The following MECOM variants were observed in gnomAD, a reference collection of about 807,000 sequenced individuals.
MECOM encodes histone-lysine N-methyltransferase MECOM.
A neutral mutation model predicts 116.3 loss-of-function variants in MECOM; 13 were observed. That is an observed-to-expected ratio of 0.11 (90% confidence interval 0.07 to 0.18). MECOM has a LOEUF of 0.18. Ranked by LOEUF, MECOM falls within the 10% of genes least tolerant of loss-of-function variation. The pLI, the probability that MECOM is intolerant of heterozygous loss-of-function variation, is 1.00. For missense variants in MECOM, 1,299 were observed against 1,509.0 expected (o/e 0.86, Z 2.31); for synonymous variants, 528 against 535.2 (o/e 0.99, Z 0.19).
intron 2 of MECOM, among the ~76,000 whole-genome samples, chr3:169,237,574 C>G (rs1047591090): frequency 8.4e-6 from 1 of 119,222 alleles, no homozygotes; most frequent in Non-Finnish European, 1.6e-5. Flanking sequence ...GAGGGCGACA[C>G]ATATTTCTGC....
rs1697399251 is a variant in MECOM at position 169,211,853 on chromosome 3, T to C, written c.376-68021A>G. ...CCTACTTGACATCTAAATCTGGATG[T>C]TTAATAGCTATCTCAAATTTAGTTT... On this transcript the variant is annotated intron_variant, in intron 2 of 16. Transcript: ENST00000651503. Among the ~76,000 whole-genome samples, 3 of 152,126 alleles carry C rather than the reference T, an allele frequency of 2.0e-5. No homozygotes were observed. The South Asian group carries it at 6.2e-4, about 32-fold the overall frequency.
intron 2 of MECOM, among the ~76,000 whole-genome samples, chr3:169,219,046 C>T (rs779110112): frequency 6.6e-6 from 1 of 152,004 alleles, no homozygotes; most frequent in African/African-American, 2.4e-5. Context: ...GGGCTTTTTG[C>T]AACAACTATA....
intron 2 of MECOM, among the ~76,000 whole-genome samples, chr3:169,242,021 C>T (rs1295533052): frequency 6.6e-6 from 1 of 152,072 alleles, no homozygotes; most frequent in African/African-American, 2.4e-5. Context: ...CAGGAAATTC[C>T]ATCTATCTGA....
chr3:169,546,436 T>C (rs946938144), intron 1 of MECOM, among the ~76,000 whole-genome samples: 32 of 152,170 alleles, frequency 2.1e-4, no homozygotes, highest in African/African-American at 7.2e-4. Flanking sequence ...AAGAGAAAAG[T>C]TAAAACTCAC....
intron 1 of MECOM, among the ~76,000 whole-genome samples, chr3:169,437,189 C>T (rs1742800225): frequency 6.6e-6 from 1 of 152,298 alleles, no homozygotes; most frequent in South Asian, 2.1e-4. Context: ...CTAATATTCT[C>T]CACTGTCATA....
intron 1 of MECOM, among the ~76,000 whole-genome samples, chr3:169,630,048 A>C (rs1005722920): frequency 2.0e-5 from 3 of 152,142 alleles, no homozygotes; most frequent in African/African-American, 4.8e-5. Flanking sequence ...TCCCAGCATG[A>C]TGGGCAGATG....
chr3:169,104,097 T>C (rs141426449), intron 10 of MECOM, among the ~76,000 whole-genome samples: 343 of 152,278 alleles, frequency 2.3e-3, no homozygotes, highest in African/African-American at 7.8e-3. Flanking sequence ...CTCAGGGGTT[T>C]GATTCATAAT....
intron 2 of MECOM, among the ~76,000 whole-genome samples, chr3:169,272,844 A>G (rs1321834814): frequency 6.6e-6 from 1 of 152,136 alleles, no homozygotes; most frequent in East Asian, 1.9e-4. Context: ...TAGAAAGAAA[A>G]GGGTCATAGG....
intron 2 of MECOM, among the ~76,000 whole-genome samples, chr3:169,374,730 T>C (rs1002240326): frequency 1.3e-4 from 20 of 151,930 alleles, no homozygotes; most frequent in Admixed American, 6.6e-5. Context: ...TAGTAATATA[T>C]TGTAATTAGA....
At chr3:169,144,687 T>C (rs947447739) in intron 2 of MECOM, among the ~76,000 whole-genome samples, 1 of 152,102 alleles carries the variant, frequency 6.6e-6, no homozygotes, top group African/African-American at 2.4e-5. Context: ...ACCAAGCTAT[T>C]CTGATTCACT....
At chr3:169,392,065 C>T (rs1226891264) in intron 1 of MECOM, among the ~76,000 whole-genome samples, 2 of 152,132 alleles carry the variant, frequency 1.3e-5, no homozygotes, top group African/African-American at 4.8e-5. Flanking sequence ...GCAGTACAAT[C>T]GGCTTTTGTT....
intron 1 of MECOM, among the ~76,000 whole-genome samples, chr3:169,588,528 A>G (rs1766022885): frequency 6.6e-6 from 1 of 152,176 alleles, no homozygotes; most frequent in South Asian, 2.1e-4. Context: ...TTTATGTGGA[A>G]ATAAAGTACA....
intron 1 of MECOM, among the ~76,000 whole-genome samples, chr3:169,496,284 G>A (rs373340718): frequency 8.5e-5 from 13 of 152,220 alleles, no homozygotes; most frequent in East Asian, 3.9e-4. Context: ...CAATACACCC[G>A]TCTTTGGAAA....
intron 2 of MECOM, among the ~76,000 whole-genome samples, chr3:169,199,262 G>A (rs529786859): frequency 3.9e-5 from 6 of 151,980 alleles, no homozygotes; most frequent in Admixed American, 2.0e-4. Context: ...TTTCTCTTCC[G>A]TCAGCACCCC....
chr3:169,324,471 T>C (rs917851023), intron 2 of MECOM, among the ~76,000 whole-genome samples: 1 of 152,242 alleles, frequency 6.6e-6, no homozygotes, highest in Admixed American at 6.5e-5. Context: ...TTTTTACAGG[T>C]CTTGAAATAT....
At chr3:169,178,227 C>T (rs1007349937) in intron 2 of MECOM, among the ~76,000 whole-genome samples, 3 of 152,022 alleles carry the variant, frequency 2.0e-5, no homozygotes, top group African/African-American at 7.2e-5. Context: ...AGGAACTGAG[C>T]GAAGAATGTA....
At chr3:169,176,527 T>C (rs1417428556) in intron 2 of MECOM, among the ~76,000 whole-genome samples, 1 of 152,044 alleles carries the variant, frequency 6.6e-6, no homozygotes, top group Non-Finnish European at 1.5e-5. Context: ...GAAGAAAACC[T>C]AGGCAATACC....
intron 1 of MECOM, among the ~76,000 whole-genome samples, chr3:169,603,605 A>G (rs140006474): frequency 3.9e-5 from 6 of 152,314 alleles, no homozygotes; most frequent in Non-Finnish European, 8.8e-5. Context: ...TGTTCTATAC[A>G]GGTGTACCAT....
Position 169,381,476 on chromosome 3 carries a change from A to G in MECOM, c.86T>C (p.Met29Thr). 6.2e-7 allele frequency: 1 copy of G among 1,613,254 alleles called. No individual in the cohort carries two copies. The highest frequency in any genetic ancestry group is 8.5e-7 in the Non-Finnish European group (1 of 1,179,576). The change falls in exon 2 of 17, where the codon ATG becomes ACG. Residue 29 changes from methionine (M) to threonine (T), a missense_variant. This residue lies in a region of MECOM where 374 missense variants were observed against 433.4 expected (regional missense o/e 0.86). Coordinates refer to ENST00000651503, the MANE Select transcript of MECOM (RefSeq NM_004991.4). Reference sequence around the variant, plus strand: ...GCTGGCTACTCCATCTGCATCTGGCATTTCTTCCAAAGGTATTTCAGGGTA... The same window carrying G: ...GCTGGCTACTCCATCTGCATCTGGCGTTTCTTCCAAAGGTATTTCAGGGTA... ...GNYPEIPLEEMPDADGVASTP... is the reference protein window; with the variant it reads ...GNYPEIPLEETPDADGVASTP...
Sources: allele counts gnomAD v4.1 joint callset (sites outside exome capture counted in the v4.1 genomes callset), GRCh38; gene constraint gnomAD v4.1.1; regional missense constraint gnomAD v4.1.1; transcripts MANE v1.5; gene names NCBI Gene and HGNC (gene_info 2026-07-23, HGNC 2026-07-21).